POLB: variants seen among roughly 807,000 people sequenced by gnomAD.
The protein encoded by POLB is 5'-dRP lyase.
A neutral mutation model predicts 52.7 loss-of-function variants in POLB; 37 were observed. The ratio of observed to expected loss-of-function variants is 0.70; its 90% confidence interval spans 0.54 to 0.92. The LOEUF (loss-of-function observed/expected upper bound fraction) is 0.92, where lower values mean the gene tolerates loss of function less well. Among genes scored for constraint, POLB ranks in the 40% least tolerant of loss-of-function variants. POLB has a pLI of 0.00. For missense variants in POLB, 313 were observed against 400.8 expected (o/e 0.78, Z 1.87); for synonymous variants, 138 against 131.3 (o/e 1.05, Z -0.35).
In POLB at chr8:42,362,647, A is replaced by G. The variant is rs754520111; in HGVS notation, c.657A>G (p.Gln219=). 1.2e-6 allele frequency: 2 copies of G among 1,611,550 alleles called. No individual in the cohort carries two copies. The highest frequency in any genetic ancestry group is 2.2e-5 in the South Asian group (2 of 90,914). Residue 219 remains glutamine (Q), a synonymous_variant, in exon 11 of 14, where the codon CAA becomes CAG. Transcript: ENST00000265421. ...KLLHQVVEQL[Q]KVHFITDTLS... Reference sequence around the variant, plus strand: ...TACATCAGGTTGTGGAGCAGTTACAAAAGGTTCATTTTATCACAGATACCC... The same window carrying G: ...TACATCAGGTTGTGGAGCAGTTACAGAAGGTTCATTTTATCACAGATACCC...
chr8:42,346,489 A>G (rs559643416), intron 3 of POLB, among the ~76,000 whole-genome samples: 3 of 151,338 alleles, frequency 2.0e-5, no homozygotes, highest in Non-Finnish European at 2.9e-5. Context: ...CAGCCAAGCA[A>G]TCCTCCCACC....
chr8:42,366,914 T>C (rs1333577184), intron 11 of POLB, among the ~76,000 whole-genome samples: 1 of 152,226 alleles, frequency 6.6e-6, no homozygotes, highest in African/African-American at 2.4e-5. Flanking sequence ...TCAAAGATAA[T>C]GGATCTTCCA....
At chr8:42,351,577 G>A (rs2953994) in intron 5 of POLB, among the ~76,000 whole-genome samples, 115,362 of 152,136 alleles carry the variant, frequency 0.76, 48,045 homozygotes, top group Non-Finnish European at 0.93. Flanking sequence ...TTAGCAAATC[G>A]CTTCATCTTT....
chr8:42,340,377 C>G (rs562097973), intron 2 of POLB, among the ~76,000 whole-genome samples: 1 of 152,276 alleles, frequency 6.6e-6, no homozygotes, highest in African/African-American at 2.4e-5. Context: ...ATTAAAACGA[C>G]TATATAAGAT....
rs142575633 is a variant in POLB at position 42,344,906 on chromosome 8, G to A, written c.120-47G>A. 8,162 of 1,093,608 alleles carry A rather than the reference G, an allele frequency of 7.5e-3. 83 individuals are homozygous for A. The highest frequency in any genetic ancestry group is 7.6e-3 in the Non-Finnish European group (5,379 of 707,430). 67.7% of individuals were successfully genotyped at this position (1,093,608 alleles called of 1,614,324 possible). ...GTATTCCAGTTTAAGAAAAATTAAGGCCTTGATGGATTTCTAATTGGTTTT... is the reference window on the plus strand; with the variant it reads ...GTATTCCAGTTTAAGAAAAATTAAGACCTTGATGGATTTCTAATTGGTTTT... On this transcript the variant is annotated intron_variant, in intron 2 of 13. Transcript: ENST00000265421.
rs540938641 is a variant in POLB at position 42,357,717 on chromosome 8, C to G, written c.550+325C>G. 8 of 218,700 alleles carry G rather than the reference C, an allele frequency of 3.7e-5. No homozygotes were observed. The East Asian group carries it at 4.8e-4, about 13-fold the overall frequency. The allele number at this position is 218,700 out of a possible 1,614,324, so 13.5% of individuals were successfully genotyped here. A position where few individuals can be genotyped will look rare whatever the true frequency, so the allele number is the denominator to read the frequency against. ...GTTGTGGGTAGTTTTGTTAATTTACCTTTCTTTTTCCTTTTTTTTTTTTTT... is the reference window on the plus strand; with the variant it reads ...GTTGTGGGTAGTTTTGTTAATTTACGTTTCTTTTTCCTTTTTTTTTTTTTT... On this transcript the variant is annotated intron_variant, in intron 9 of 13. Transcript: ENST00000265421.
intron 9 of POLB, among the ~76,000 whole-genome samples, chr8:42,358,461 C>T (rs540859930): frequency 4.6e-5 from 7 of 152,040 alleles, no homozygotes; most frequent in Admixed American, 1.3e-4. Flanking sequence ...GAGATCAAGC[C>T]GCTGCACTCC....
chr8:42,370,127 G>A (rs769796798), intron 13 of POLB, 139 bp downstream of exon 13: 9 of 731,408 alleles, frequency 1.2e-5, no homozygotes, highest in African/African-American at 5.2e-5. Context: ...TTCAGGCAAC[G>A]AGAGAGGATT....
intron 9 of POLB, among the ~76,000 whole-genome samples, chr8:42,358,400 G>A (rs1470034089): frequency 6.6e-6 from 1 of 152,004 alleles, no homozygotes; most frequent in African/African-American, 2.4e-5. Flanking sequence ...TCCTCGGGCG[G>A]CTGAGGCAGG....
At chr8:42,360,287 A>G (rs2130832962) in intron 9 of POLB, among the ~76,000 whole-genome samples, 1 of 151,890 alleles carries the variant, frequency 6.6e-6, no homozygotes, top group East Asian at 1.9e-4. Context: ...TATTTGGTTA[A>G]GGCACTGTGG....
intron 2 of POLB, chr8:42,341,866 C>T (rs185155252): frequency 1.7e-6 from 1 of 597,448 alleles, no homozygotes; most frequent in Middle Eastern, 5.2e-4. Flanking sequence ...GATGGTTCCA[C>T]CTCTTTTTAA....
rs1231185712 is a variant in POLB at position 42,369,817 on chromosome 8, A to T, written c.774-32A>T. On this transcript the variant is annotated intron_variant, in intron 12 of 13. Coordinates refer to ENST00000265421, the MANE Select transcript of POLB (RefSeq NM_002690.3). The stretch of plus-strand genomic sequence containing the variant: ...ATTTGCTAAACTTGAAATGCATGGT[A>T]AAAAAATGTATCTACTGTCCATTTT... The T allele has an allele frequency of 8.7e-6, 13 of 1,487,520 alleles. No individual in the cohort carries two copies. In the East Asian group the frequency reaches 2.5e-4, roughly 29 times the overall value. 92.1% of individuals were successfully genotyped at this position (1,487,520 alleles called of 1,614,324 possible).
At position 42,362,686 on chromosome 8, in the gene POLB, G is replaced by A; in HGVS notation, c.696G>A (p.Glu232=). 2 of 1,592,774 alleles carry A rather than the reference G, an allele frequency of 1.3e-6. No homozygotes were observed. Among genetic ancestry groups the A allele is most frequent in the Non-Finnish European group, 8.6e-7 (1 of 1,161,112 alleles). Residue 232 remains glutamate (E), a synonymous_variant, in exon 11 of 14, where the codon GAG becomes GAA. Transcript: ENST00000265421. ...HFITDTLSKG[E]TKFMGVCQLP... ...TCACAGATACCCTGTCAAAGGGTGA[G>A]ACAAAGTTCATGGTAAGTACTTGTT... is the stretch of plus-strand genomic sequence containing the variant.
chr8:42,350,889 G>C (rs1442204411), intron 5 of POLB, among the ~76,000 whole-genome samples: 2 of 147,774 alleles, frequency 1.4e-5, no homozygotes, highest in African/African-American at 5.0e-5. Flanking sequence ...TTTTTTTTTA[G>C]AGATAGTGTC....
Position 42,355,353 on chromosome 8 carries a change from T to C in POLB, c.371-163T>C, listed in dbSNP as rs182700763. The C allele has an allele frequency of 4.9e-5, 28 of 576,186 alleles. No homozygotes were observed. The East Asian group carries it at 6.9e-4, about 14-fold the overall frequency. The allele number at this position is 576,186 out of a possible 1,614,324, so 35.7% of individuals were successfully genotyped here. ...ACGCCTGGCCCTGAAGAGTCACTTT[T>C]ATCTAGCTCTTCATATCTGAAATTT... On this transcript the variant is annotated intron_variant, in intron 6 of 13. Transcript: ENST00000265421.
At chr8:42,354,284 T>C in intron 6 of POLB, 1 of 367,624 alleles carries the variant, frequency 2.7e-6, no homozygotes, top group East Asian at 7.3e-5. Flanking sequence ...AAATATTAAG[T>C]GCTCTATATT....
intron 5 of POLB, among the ~76,000 whole-genome samples, chr8:42,350,410 T>C (rs898791182): frequency 2.6e-5 from 4 of 152,160 alleles, no homozygotes; most frequent in Non-Finnish European, 5.9e-5. Context: ...ATATTTATCA[T>C]AGCACCTCAT....
intron 9 of POLB, among the ~76,000 whole-genome samples, chr8:42,360,005 T>C (rs1823575984): frequency 6.6e-6 from 1 of 151,858 alleles, no homozygotes. Flanking sequence ...TGGAGTGCAG[T>C]GGTGTGATCT....
intron 2 of POLB, chr8:42,339,290 CTGATA>C: frequency 1.8e-6 from 1 of 556,216 alleles, no homozygotes; most frequent in Non-Finnish European, 3.2e-6. Flanking sequence ...TAGCTGTAGC[CTGATA>C]CGTATTTTGT....
Sources: gnomAD v4.1 joint callset for allele counts (sites outside exome capture counted in the v4.1 genomes callset) on GRCh38, gnomAD v4.1.1 for gene constraint, MANE v1.5 for transcripts, NCBI Gene and HGNC (gene_info 2026-07-23, HGNC 2026-07-21) for gene names.